STK17B: variants seen among roughly 807,000 people sequenced by gnomAD.
The protein encoded by STK17B is serine/threonine kinase 17b, also known as serine/threonine-protein kinase 17B.
A neutral mutation model predicts 42.0 loss-of-function variants in STK17B; 21 were observed. The observed-to-expected ratio is 0.50, with a 90% confidence interval of 0.35 to 0.72. The LOEUF is 0.72. STK17B is among the 30% of genes least tolerant of loss of function. The pLI is 0.00. For missense variants in STK17B, 349 were observed against 446.0 expected, an observed-to-expected ratio of 0.78 and a Z score of 1.96; for synonymous variants, 143 against 148.4, an observed-to-expected ratio of 0.96 and a Z score of 0.26.
At chr2:196,170,186 ATT>A (rs148837141) in intron 1 of STK17B, among the ~76,000 whole-genome samples, 12,772 of 152,190 alleles carry the variant, frequency 0.084, 1,458 homozygotes, top group African/African-American at 0.26. Context: ...AAGTAGGTTT[ATT>A]TTCCTTTAAT....
chr2:196,145,942 T>A lies in STK17B; in HGVS notation c.449A>T (p.His150Leu). The change falls in exon 4 of 8, where the codon CAT (histidine) becomes CTT (leucine). Residue 150 changes from histidine to leucine, a missense_variant. Physicochemically the swap from His to Leu is moderately conservative, Grantham distance 99. Around this residue, in one of 3 missense-constraint regions of STK17B, gnomAD observed 256 missense variants for 347.7 expected, o/e 0.74. Coordinates refer to ENST00000263955, the MANE Select transcript of STK17B (RefSeq NM_004226.4). ...ATCAAGGTGTACAATGTTATTCTGATGTAGATAATAAACTCCTTCAAGTAT... is the reference window on the plus strand; with the variant it reads ...ATCAAGGTGTACAATGTTATTCTGAAGTAGATAATAAACTCCTTCAAGTAT... The part of the protein sequence containing the change: ...KQILEGVYYL[H>L]QNNIVHLDLK... The A allele has an allele frequency of 6.3e-7, 1 of 1,594,412 alleles. No individual in the cohort carries two copies. Among genetic ancestry groups the A allele is most frequent in the Non-Finnish European group, 8.5e-7 (1 of 1,175,068 alleles).
At chr2:196,175,251 A>G (rs1699987596), upstream of STK17B, among the ~76,000 whole-genome samples, 1 of 152,218 alleles carries the variant, frequency 6.6e-6, no homozygotes, top group South Asian at 2.1e-4. Context: ...TTTCATCGGA[A>G]ACACTTGATC....
rs34740616 is a variant in STK17B, at chr2:196,137,607, G to A, written c.959C>T (p.Ser320Phe). Residue 320 changes from serine to phenylalanine, a missense_variant, in exon 8 of 8, where the codon TCC becomes TTC. Transcript: ENST00000263955. ...SSQTQDHSVR[S>F]SEDKTSKSSC... ...GGATTTAGAAGTCTTGTCTTCAGAG[G>A]ACCTTACAGAATGATCCTGAGTTTG... is the stretch of plus-strand genomic sequence containing the variant. 5,590 of 1,614,084 alleles carry A rather than the reference G, an allele frequency of 3.5e-3. 15 individuals are homozygous for A. Among genetic ancestry groups the A allele is most frequent in the Non-Finnish European group, 4.2e-3 (4,900 of 1,179,986 alleles).
intron 2 of STK17B, 46 bp downstream of exon 2, chr2:196,163,216 C>G (rs751365214): frequency 1.3e-6 from 2 of 1,594,786 alleles, no homozygotes; most frequent in East Asian, 4.5e-5. Context: ...AAACACAAAT[C>G]CAAAATTTGA....
Position 196,134,625 on chromosome 2 carries a change from C to T in STK17B, c.*2822G>A, listed in dbSNP as rs1699370546. 6.6e-6 allele frequency: 1 copy of T among 152,216 alleles called. No homozygotes were observed. Among genetic ancestry groups the T allele is most frequent in the Admixed American group, 6.5e-5 (1 of 15,284 alleles). The allele number at this position is 152,216 out of a possible 1,614,324, so 9.4% of individuals were successfully genotyped here. ...CCTTTAAAGTGCCATTACAATTTCA[C>T]TGCTCAGAGCTAGGTTCTTTACTGT... On this transcript the variant is annotated 3_prime_UTR_variant, in exon 8 of 8. Coordinates refer to ENST00000263955, the MANE Select transcript of STK17B (RefSeq NM_004226.4).
In STK17B at chr2:196,139,608, A is replaced by T; in HGVS notation, c.836+12T>A. Reference sequence around the variant, plus strand: ...TAAATTTGTAATAGTATTTAAACAAATTATTACTTACTCTGGATTTTTTAC... The same window carrying T: ...TAAATTTGTAATAGTATTTAAACAATTTATTACTTACTCTGGATTTTTTAC... On this transcript the variant is annotated intron_variant, in intron 7 of 7. Transcript: ENST00000263955. The T allele has an allele frequency of 7.4e-7, 1 of 1,353,980 alleles. No individual in the cohort carries two copies. Among genetic ancestry groups the T allele is most frequent in the Non-Finnish European group, 9.6e-7 (1 of 1,043,902 alleles). 83.9% of individuals were successfully genotyped at this position (1,353,980 alleles called of 1,614,324 possible).
intron 2 of STK17B, among the ~76,000 whole-genome samples, chr2:196,162,229 A>G (rs564650564): frequency 6.6e-6 from 1 of 152,326 alleles, no homozygotes; most frequent in African/African-American, 2.4e-5. Flanking sequence ...GAATGGTTTC[A>G]TAATATCATG....
At chr2:196,169,882 C>T (rs1257142744) in intron 1 of STK17B, among the ~76,000 whole-genome samples, 2 of 147,176 alleles carry the variant, frequency 1.4e-5, no homozygotes, top group Non-Finnish European at 3.0e-5. Context: ...TTTTGGATCC[C>T]TACTTTAGAA....
chr2:196,139,255 C>A (rs992712286), intron 7 of STK17B, among the ~76,000 whole-genome samples: 1 of 152,162 alleles, frequency 6.6e-6, no homozygotes, highest in Non-Finnish European at 1.5e-5. Context: ...TGAGCCACCG[C>A]GCCCGGCCGT....
At chr2:196,172,286 C>G (rs1295818816), upstream of STK17B, among the ~76,000 whole-genome samples, 1 of 152,216 alleles carries the variant, frequency 6.6e-6, no homozygotes, top group African/African-American at 2.4e-5. Context: ...CCTCAGCAAC[C>G]TACTCAAGAT....
chr2:196,156,269 A>T, intron 3 of STK17B, 170 bp downstream of exon 3: 2 of 582,686 alleles, frequency 3.4e-6, no homozygotes, highest in Non-Finnish European at 2.9e-6. Flanking sequence ...TATGTGCCCG[A>T]GGCTATACAT....
intron 1 of STK17B, among the ~76,000 whole-genome samples, chr2:196,167,302 T>C (rs1268998015): frequency 6.6e-6 from 1 of 152,246 alleles, no homozygotes; most frequent in Non-Finnish European, 1.5e-5. Flanking sequence ...AGCATCCTTT[T>C]ACTTTTGTGC....
intron 2 of STK17B, among the ~76,000 whole-genome samples, chr2:196,161,088 T>C (rs140098219): frequency 7.6e-4 from 115 of 152,292 alleles, no homozygotes; most frequent in African/African-American, 2.4e-3. Flanking sequence ...GTGTGTACTG[T>C]TCAAGACTTG....
upstream of STK17B, chr2:196,171,665 T>G (rs1202641785): frequency 8.5e-6 from 1 of 117,904 alleles, no homozygotes; most frequent in Admixed American, 8.4e-5. Flanking sequence ...GTGCGGAGGG[T>G]GGGTCTGTCA....
At chr2:196,171,748 G>C (rs1009918028), upstream of STK17B, among the ~76,000 whole-genome samples, 2 of 149,570 alleles carry the variant, frequency 1.3e-5, no homozygotes, top group Middle Eastern at 3.4e-3. Flanking sequence ...AGGGTGCGGC[G>C]CCTGGCTGGC....
chr2:196,139,703 A>G lies in STK17B; in HGVS notation c.753T>C (p.Asn251=). The G allele has an allele frequency of 6.8e-7, 1 of 1,481,410 alleles. No homozygotes were observed. Among genetic ancestry groups the G allele is most frequent in the South Asian group, 1.5e-5 (1 of 66,212 alleles). The allele number at this position is 1,481,410 out of a possible 1,614,324, so 91.8% of individuals were successfully genotyped here. ...QETYLNISQV[N]VDYSEETFSS... ...AAAAAGTTTCTTCCGAATAATCTACATTAACTTGAGAAATATTGAGGTATG... is the reference window on the plus strand; with the variant it reads ...AAAAAGTTTCTTCCGAATAATCTACGTTAACTTGAGAAATATTGAGGTATG... Residue 251 remains asparagine (N), a synonymous_variant, in exon 7 of 8, where the codon AAT becomes AAC. Transcript: ENST00000263955.
intron 3 of STK17B, among the ~76,000 whole-genome samples, chr2:196,148,972 C>T (rs1699622407): frequency 6.6e-6 from 1 of 152,146 alleles, no homozygotes; most frequent in South Asian, 2.1e-4. Context: ...TGAACTGGGA[C>T]AAAATGTGCC....
chr2:196,174,859 T>G (rs1210748509), upstream of STK17B, among the ~76,000 whole-genome samples: 1 of 152,222 alleles, frequency 6.6e-6, no homozygotes, highest in East Asian at 1.9e-4. Context: ...TAGTTTTGTC[T>G]GATGAGAGTA....
intron 1 of STK17B, chr2:196,165,870 C>G (rs1414517734): frequency 1.3e-5 from 2 of 152,232 alleles, no homozygotes; most frequent in Non-Finnish European, 2.9e-5. Context: ...CCTGCAGTTC[C>G]CTGCCATTGT....
Sources: allele counts gnomAD v4.1 joint callset (sites outside exome capture counted in the v4.1 genomes callset), GRCh38; gene constraint gnomAD v4.1.1; regional missense constraint gnomAD v4.1.1; transcripts MANE v1.5; gene names NCBI Gene and HGNC (gene_info 2026-07-23, HGNC 2026-07-21).